Variants in SYT1 observed in about 807,000 individuals in gnomAD.
SYT1 encodes the protein synaptotagmin 1.
A neutral mutation model predicts 44.8 loss-of-function variants in SYT1; 8 were observed. That is an observed-to-expected ratio of 0.18 (90% confidence interval 0.10 to 0.32). The LOEUF (loss-of-function observed/expected upper bound fraction) is 0.32. Ranked by LOEUF, SYT1 falls within the 10% of genes least tolerant of loss-of-function variation. The pLI, the probability that SYT1 is intolerant of heterozygous loss-of-function variation, is 1.00. For synonymous variants in SYT1, 154 were observed against 188.8 expected, an observed-to-expected ratio of 0.82 and a Z score of 1.51; for missense variants, 286 against 509.3, an observed-to-expected ratio of 0.56 and a Z score of 4.22.
At chr12:79,173,133 G>C (rs560533114) in intron 3 of SYT1, among the ~76,000 whole-genome samples, 4 of 151,860 alleles carry the variant, frequency 2.6e-5, no homozygotes, top group Non-Finnish European at 5.9e-5. Flanking sequence ...CAACTAAGAG[G>C]TAGAACAAAG....
intron 2 of SYT1, among the ~76,000 whole-genome samples, chr12:78,992,397 T>C (rs1384654839): frequency 6.6e-6 from 1 of 152,220 alleles, no homozygotes; most frequent in African/African-American, 2.4e-5. Context: ...CTTTAAATAG[T>C]GCTTCATAAA....
chr12:79,288,406 TA>T (rs1211509858), intron 5 of SYT1, among the ~76,000 whole-genome samples: 1 of 152,164 alleles, frequency 6.6e-6, no homozygotes, highest in African/African-American at 2.4e-5. Context: ...ATTTTAGATA[TA>T]ATTTCTTAAT....
At chr12:79,105,168 C>T (rs1307482589) in intron 3 of SYT1, among the ~76,000 whole-genome samples, 1 of 152,142 alleles carries the variant, frequency 6.6e-6, no homozygotes, top group Non-Finnish European at 1.5e-5. Context: ...CTAGCTCTTC[C>T]ACCTCCTGTT....
At chr12:79,305,753 T>A (rs904489420) in intron 8 of SYT1, among the ~76,000 whole-genome samples, 8 of 152,176 alleles carry the variant, frequency 5.3e-5, no homozygotes, top group Non-Finnish European at 2.9e-5. Flanking sequence ...TAGAGTGCAG[T>A]GGTGTGATCT....
intron 2 of SYT1, among the ~76,000 whole-genome samples, chr12:78,981,223 G>T (rs1869237854): frequency 6.6e-6 from 1 of 150,828 alleles, no homozygotes; most frequent in Admixed American, 6.6e-5. Context: ...CAACTCCCAG[G>T]TTCAAATGAT....
chr12:79,095,339 T>C (rs944562687), intron 3 of SYT1, among the ~76,000 whole-genome samples: 1 of 152,004 alleles, frequency 6.6e-6, no homozygotes, highest in Non-Finnish European at 1.5e-5. Context: ...CCAAAAACTT[T>C]TCTCATTTAA....
At chr12:79,149,922 A>G (rs189220873) in intron 3 of SYT1, among the ~76,000 whole-genome samples, 8 of 152,322 alleles carry the variant, frequency 5.3e-5, no homozygotes, top group Admixed American at 1.3e-4. Context: ...TGACTTATAC[A>G]TACTCACTGA....
chr12:79,275,588 G>A (rs752815512), intron 4 of SYT1, among the ~76,000 whole-genome samples: 19 of 152,232 alleles, frequency 1.2e-4, no homozygotes, highest in Non-Finnish European at 2.5e-4. Flanking sequence ...TTTTGTGCTG[G>A]CCTCATAGTG....
intron 1 of SYT1, among the ~76,000 whole-genome samples, chr12:78,875,999 A>C (rs1874048494): frequency 1.3e-5 from 2 of 151,650 alleles, no homozygotes; most frequent in Non-Finnish European, 3.0e-5. Context: ...TATTGTTCCT[A>C]TAAATTTAAG....
chr12:79,044,937 C>A (rs921438264), intron 2 of SYT1, among the ~76,000 whole-genome samples: 1 of 152,204 alleles, frequency 6.6e-6, no homozygotes, highest in South Asian at 2.1e-4. Context: ...AGTTAGGCCG[C>A]TCGGGGGTCA....
At chr12:79,267,840 C>G (rs1227774647) in intron 4 of SYT1, among the ~76,000 whole-genome samples, 1 of 152,222 alleles carries the variant, frequency 6.6e-6, no homozygotes, top group East Asian at 1.9e-4. Context: ...GGGTTTATCT[C>G]TGCCTGAAGA....
At chr12:79,252,622 T>C (rs1440640983) in intron 4 of SYT1, among the ~76,000 whole-genome samples, 1 of 152,126 alleles carries the variant, frequency 6.6e-6, no homozygotes, top group Non-Finnish European at 1.5e-5. Context: ...ACCAGCAATT[T>C]TGCAGGTGCT....
intron 4 of SYT1, among the ~76,000 whole-genome samples, chr12:79,260,683 A>G (rs2138727606): frequency 6.6e-6 from 1 of 152,190 alleles, no homozygotes; most frequent in South Asian, 2.1e-4. Flanking sequence ...CTACTCCACA[A>G]TCCCCATCCA....
At chr12:79,268,564 C>T (rs1230841355) in intron 4 of SYT1, among the ~76,000 whole-genome samples, 1 of 152,150 alleles carries the variant, frequency 6.6e-6, no homozygotes, top group East Asian at 1.9e-4. Flanking sequence ...TACTGTTAAC[C>T]ACAATTTATC....
rs1294737495 is a variant in SYT1 at position 79,053,674 on chromosome 12, TATAA to T, written c.-18+6318_-18+6321del. The stretch of plus-strand genomic sequence containing the variant: ...TAATTAAAAATAATTAAAATTTATA[TATAA>T]ATAAACAACACTTATTTTTAAACAA... On this transcript the variant is annotated intron_variant, in intron 3 of 10. Transcript: ENST00000261205. Among the ~76,000 whole-genome samples, 14 of 150,238 alleles carry T rather than the reference TATAA, an allele frequency of 9.3e-5. 1 individual carries two copies. Among genetic ancestry groups the T allele is most frequent in the East Asian group, 1.9e-4 (1 of 5,166 alleles).
intron 3 of SYT1, among the ~76,000 whole-genome samples, chr12:79,185,127 T>C (rs930522883): frequency 2.0e-5 from 3 of 152,044 alleles, no homozygotes; most frequent in African/African-American, 7.2e-5. Flanking sequence ...TGCTCAGAAA[T>C]TGACCTAAGA....
intron 1 of SYT1, among the ~76,000 whole-genome samples, chr12:78,876,299 T>G (rs1874064692): frequency 6.6e-6 from 1 of 151,430 alleles, no homozygotes; most frequent in African/African-American, 2.4e-5. Flanking sequence ...ACCAGTTGCC[T>G]ACAAAGGCAT....
intron 1 of SYT1, among the ~76,000 whole-genome samples, chr12:78,942,277 A>G (rs1414906282): frequency 3.9e-5 from 6 of 152,276 alleles, no homozygotes; most frequent in East Asian, 1.9e-4. Flanking sequence ...CCATGATCAC[A>G]TGTTCAATCT....
At chr12:79,267,332 A>G (rs755116114) in intron 4 of SYT1, among the ~76,000 whole-genome samples, 15 of 152,194 alleles carry the variant, frequency 9.9e-5, no homozygotes, top group Non-Finnish European at 1.8e-4. Context: ...GCCATGTTCA[A>G]TTCTTGGAAT....
Sources: gnomAD v4.1 joint callset for allele counts (sites outside exome capture counted in the v4.1 genomes callset) on GRCh38, gnomAD v4.1.1 for gene constraint, MANE v1.5 for transcripts, NCBI Gene and HGNC (gene_info 2026-07-23, HGNC 2026-07-21) for gene names.